CPS1: variants seen among roughly 807,000 people sequenced by gnomAD.
CPS1 encodes carbamoyl-phosphate synthase [ammonia], mitochondrial.
CPS1 carries 109 observed loss-of-function variants against 174.6 expected under a neutral mutation model. The ratio of observed to expected loss-of-function variants is 0.62; its 90% CI spans 0.53 to 0.73. CPS1 has a LOEUF of 0.73. Ranked by LOEUF, CPS1 falls within the 30% of genes least tolerant of loss-of-function variation. The pLI is 0.00. For missense variants in CPS1, 1,689 were observed against 1,821.9 expected, an observed-to-expected ratio of 0.93 and a Z score of 1.33; for synonymous variants, 637 against 632.0, an observed-to-expected ratio of 1.01 and a Z score of -0.12.
At position 210,675,748 on chromosome 2, in the gene CPS1, A is replaced by C. The variant is rs2105944072; in HGVS notation, c.4182A>C (p.Thr1394=). Residue 1394 remains threonine, a synonymous_variant, in exon 36 of 38, where the codon ACA becomes ACC. Coordinates refer to ENST00000233072, the MANE Select transcript of CPS1 (RefSeq NM_001875.5). ...EGFKLFATEA[T]SDWLNANNVP... is the part of the protein sequence containing the mutation. ...TGCAGCTGTTTGCCACGGAAGCCAC[A>C]TCAGACTGGCTCAACGCCAACAATG... The C allele has an allele frequency of 6.3e-7, 1 of 1,599,654 alleles. No individual in the cohort carries two copies. Among genetic ancestry groups the C allele is most frequent in the Non-Finnish European group, 8.6e-7 (1 of 1,166,778 alleles).
chr2:210,517,657 G>A (rs1011743490), intron 1 of CPS1, among the ~76,000 whole-genome samples: 5 of 151,940 alleles, frequency 3.3e-5, no homozygotes, highest in Non-Finnish European at 4.4e-5. Flanking sequence ...CATTTACAGA[G>A]TTTAGCCTTT....
chr2:210,673,859 C>T (rs1407699813), intron 34 of CPS1: 3 of 151,734 alleles, frequency 2.0e-5, no homozygotes. Flanking sequence ...GTAAGATATT[C>T]AAGGTAACAC....
At chr2:210,501,005 C>A (rs557722082) in intron 1 of CPS1, among the ~76,000 whole-genome samples, 1 of 152,172 alleles carries the variant, frequency 6.6e-6, no homozygotes, top group East Asian at 1.9e-4. Flanking sequence ...TTCTTGACTT[C>A]TCTGCACCCA....
intron 3 of CPS1, 116 bp downstream of exon 3, chr2:210,576,606 G>A: frequency 9.2e-7 from 1 of 1,082,142 alleles, no homozygotes; most frequent in East Asian, 2.4e-5. Context: ...AAATCATTAA[G>A]CTCATGTATT....
At chr2:210,477,787 C>T in intron 1 of CPS1, 1 of 1,612,922 alleles carries the variant, frequency 6.2e-7, no homozygotes, top group Non-Finnish European at 8.5e-7. Context: ...AGCTGGATAT[C>T]TCTCATGTTT....
At chr2:210,570,748 A>C (rs1253041254) in intron 1 of CPS1, among the ~76,000 whole-genome samples, 6 of 134,820 alleles carry the variant, frequency 4.5e-5, no homozygotes, top group Admixed American at 4.4e-4. Flanking sequence ...CCTCAAGAAC[A>C]AAAAAAACAA....
At position 210,573,418 on chromosome 2, in the gene CPS1, C is replaced by T; in HGVS notation, c.236+11C>T. The T allele has an allele frequency of 6.3e-7, 1 of 1,580,928 alleles. No homozygotes were observed. The highest frequency in any genetic ancestry group is 8.7e-7 in the Non-Finnish European group (1 of 1,150,076). On this transcript the variant is annotated intron_variant, in intron 2 of 37. Coordinates refer to ENST00000233072, the MANE Select transcript of CPS1 (RefSeq NM_001875.5). ...TACTGGCCTGGGAGGGTGAGTAATG[C>T]TTTTCCAAGGCTTTATTTTTCCTCT...
intron 1 of CPS1, among the ~76,000 whole-genome samples, chr2:210,502,511 T>TTA (rs1056729773): frequency 1.0e-4 from 15 of 148,236 alleles, no homozygotes; most frequent in South Asian, 4.2e-4. Flanking sequence ...GATATATTTT[T>TTA]TATATATATA....
At chr2:210,547,673 CTT>C (rs1696599458) in intron 1 of CPS1, among the ~76,000 whole-genome samples, 1 of 151,930 alleles carries the variant, frequency 6.6e-6, no homozygotes, top group East Asian at 1.9e-4. Context: ...GGTTTTAAGT[CTT>C]TTAACCTTAT....
At position 210,674,980 on chromosome 2, in the gene CPS1, A is replaced by C; in HGVS notation, c.4161+19A>C. On this transcript the variant is annotated intron_variant, in intron 35 of 37. Transcript: ENST00000233072. ...TTTCAAGGTATGTTCATTAGTTTTA[A>C]GTTGTTTTCTGTCAGCATGGAATCT... is the stretch of plus-strand genomic sequence containing the variant. The C allele has an allele frequency of 6.3e-7, 1 of 1,593,726 alleles. No individual in the cohort carries two copies. Among genetic ancestry groups the C allele is most frequent in the Non-Finnish European group, 8.6e-7 (1 of 1,161,422 alleles).
At chr2:210,660,754 C>A (rs1035689622) in intron 32 of CPS1, 99 bp downstream of exon 32, 1 of 1,177,774 alleles carries the variant, frequency 8.5e-7, no homozygotes, top group Non-Finnish European at 1.2e-6. Context: ...AACCTTCTAA[C>A]TAAAGGGTTG....
chr2:210,606,078 A>G (rs1698897772), intron 17 of CPS1, among the ~76,000 whole-genome samples: 1 of 151,980 alleles, frequency 6.6e-6, no homozygotes, highest in Non-Finnish European at 1.5e-5. Context: ...AAGACTGATT[A>G]TTTAATTTGG....
At chr2:210,535,816 CTTGT>C (rs1696233262) in intron 1 of CPS1, among the ~76,000 whole-genome samples, 7 of 105,254 alleles carry the variant, frequency 6.7e-5, no homozygotes, top group African/African-American at 2.6e-4. Flanking sequence ...TCCCTTTTTC[CTTGT>C]TTTTTTTTTT....
intron 36 of CPS1, 38 bp from the exon 37 acceptor site, chr2:210,676,969 A>G: frequency 6.2e-7 from 1 of 1,600,486 alleles, no homozygotes; most frequent in Non-Finnish European, 8.6e-7. Flanking sequence ...ACTATAAAAT[A>G]TGCCTTGTTG....
intron 1 of CPS1, among the ~76,000 whole-genome samples, chr2:210,508,236 A>T (rs1019778965): frequency 9.9e-5 from 15 of 151,132 alleles, no homozygotes; most frequent in Admixed American, 2.0e-4. Flanking sequence ...ACTCAAAACC[A>T]CTCAACTACA....
At chr2:210,545,940 T>G (rs1289542501) in intron 1 of CPS1, among the ~76,000 whole-genome samples, 2 of 152,118 alleles carry the variant, frequency 1.3e-5, no homozygotes, top group African/African-American at 2.4e-5. Flanking sequence ...TGATCACATT[T>G]CATCCTGGGA....
intron 17 of CPS1, among the ~76,000 whole-genome samples, chr2:210,606,081 T>TA (rs1202462479): frequency 7.2e-5 from 11 of 152,116 alleles, no homozygotes; most frequent in African/African-American, 2.2e-4. Flanking sequence ...ACTGATTATT[T>TA]AATTTGGCTC....
chr2:210,535,667 G>A (rs1238444110), intron 1 of CPS1, among the ~76,000 whole-genome samples: 1 of 152,106 alleles, frequency 6.6e-6, no homozygotes, highest in African/African-American at 2.4e-5. Context: ...GAATGCTGGT[G>A]TTTGTTTCAA....
At chr2:210,633,392 A>G (rs1289381566) in intron 21 of CPS1, among the ~76,000 whole-genome samples, 1 of 151,372 alleles carries the variant, frequency 6.6e-6, no homozygotes, top group Non-Finnish European at 1.5e-5. Flanking sequence ...CTTTCTTATT[A>G]TTTTTATTTC....
Sources: allele counts gnomAD v4.1 joint callset (sites outside exome capture counted in the v4.1 genomes callset), GRCh38; gene constraint gnomAD v4.1.1; transcripts MANE v1.5; gene names NCBI Gene and HGNC (gene_info 2026-07-23, HGNC 2026-07-21).